Variants in GALNT14 observed in about 807,000 individuals in gnomAD.
GALNT14 encodes the protein UDP-GalNAc:polypeptide N-acetylgalactosaminyltransferase 14.
A neutral mutation model predicts 77.5 loss-of-function variants in GALNT14; 60 were observed. The ratio of observed to expected loss-of-function variants is 0.77; its 90% CI spans 0.63 to 0.96. The LOEUF is 0.96. GALNT14 is among the 40% of genes least tolerant of loss of function. GALNT14 has a pLI of 0.00. For synonymous variants in GALNT14, 280 were observed against 281.7 expected, an observed-to-expected ratio of 0.99 and a Z score of 0.06; for missense variants, 710 against 731.0, an observed-to-expected ratio of 0.97 and a Z score of 0.33.
the GALNT14 span, among the ~76,000 whole-genome samples, chr2:30,890,893 G>T: frequency 2.5e-3 from 388 of 152,328 alleles, 2 homozygotes; most frequent in African/African-American, 9.0e-3. Flanking sequence ...TGGGGGAATG[G>T]TGGGTGAGGG....
At chr2:31,076,504 C>A (rs1675796699) in intron 1 of GALNT14, among the ~76,000 whole-genome samples, 1 of 152,004 alleles carries the variant, frequency 6.6e-6, no homozygotes, top group Non-Finnish European at 1.5e-5. Flanking sequence ...AGGAACAGGT[C>A]CTACAGAAAT....
chr2:31,126,246 G>A (rs1678693638), intron 1 of GALNT14, among the ~76,000 whole-genome samples: 1 of 152,158 alleles, frequency 6.6e-6, no homozygotes, highest in Non-Finnish European at 1.5e-5. Context: ...GTGAACCCAG[G>A]TTCTAAAGGC....
At chr2:30,945,286 G>A (rs1038477965) in intron 7 of GALNT14, among the ~76,000 whole-genome samples, 6 of 152,234 alleles carry the variant, frequency 3.9e-5, no homozygotes, top group African/African-American at 7.2e-5. Flanking sequence ...TCAGGAAGGT[G>A]TGAGCAGGAG....
chr2:31,054,849 ACAAAAGCATCATAACAT>A (rs1199607637), intron 1 of GALNT14, among the ~76,000 whole-genome samples: 2 of 152,322 alleles, frequency 1.3e-5, no homozygotes, highest in Non-Finnish European at 2.9e-5. Flanking sequence ...AAGTGGAAAA[ACAAAAGCATCATAACAT>A]CAGAGCCATT....
rs186871483 is a variant in GALNT14, at chr2:31,048,432, T to C, written c.130-55425A>G. 3.9e-3 allele frequency among the ~76,000 whole-genome samples: 591 copies of C among 152,304 alleles called. 8 individuals carry two copies. The highest frequency in any genetic ancestry group is 0.014 in the African/African-American group (571 of 41,556). On this transcript the variant is annotated intron_variant, in intron 1 of 14. Coordinates refer to ENST00000349752, the MANE Select transcript of GALNT14 (RefSeq NM_024572.4). ...GGAAGACAGGGCTCTACTTCTTTAT[T>C]AGCAGACAGTCCTAATGGTGGTGGG...
intron 6 of GALNT14, among the ~76,000 whole-genome samples, chr2:30,947,964 A>G (rs924132726): frequency 5.3e-5 from 8 of 152,224 alleles, no homozygotes; most frequent in Non-Finnish European, 1.0e-4. Flanking sequence ...CATAGTCAGC[A>G]CTGCACCTGC....
intron 1 of GALNT14, among the ~76,000 whole-genome samples, chr2:31,013,428 C>G (rs1671158527): frequency 6.6e-6 from 1 of 152,176 alleles, no homozygotes; most frequent in African/African-American, 2.4e-5. Context: ...AGCACCCAGG[C>G]AGAACCAACA....
At chr2:30,890,684 C>T in the GALNT14 span, among the ~76,000 whole-genome samples, 3 of 152,192 alleles carry the variant, frequency 2.0e-5, no homozygotes, top group Non-Finnish European at 2.9e-5. Flanking sequence ...TATTTCAGTG[C>T]GAAACCTCCC....
At chr2:31,067,213 TTCCCATAGTCAG>T in intron 1 of GALNT14, among the ~76,000 whole-genome samples, 1 of 152,158 alleles carries the variant, frequency 6.6e-6, no homozygotes, top group South Asian at 2.1e-4. Context: ...AAACAGGAGA[TTCCCATAGTCAG>T]TCTCAGTGCT....
At chr2:31,010,109 C>T (rs1670924966) in intron 1 of GALNT14, among the ~76,000 whole-genome samples, 1 of 152,232 alleles carries the variant, frequency 6.6e-6, no homozygotes, top group African/African-American at 2.4e-5. Flanking sequence ...CCTCAGTCTC[C>T]TGAGTAGTTG....
At chr2:31,134,679 C>T (rs1354824332) in intron 1 of GALNT14, among the ~76,000 whole-genome samples, 2 of 152,162 alleles carry the variant, frequency 1.3e-5, no homozygotes, top group Admixed American at 1.3e-4. Flanking sequence ...TGCCTTAGCA[C>T]CTCCCTTACA....
At chr2:30,959,372 T>C (rs1433453489) in intron 3 of GALNT14, among the ~76,000 whole-genome samples, 2 of 152,116 alleles carry the variant, frequency 1.3e-5, no homozygotes, top group Non-Finnish European at 2.9e-5. Context: ...ATTGCCAGAG[T>C]CTAGCACAGA....
At chr2:30,965,200 T>A (rs1355691752) in intron 3 of GALNT14, among the ~76,000 whole-genome samples, 2 of 148,768 alleles carry the variant, frequency 1.3e-5, no homozygotes, top group Non-Finnish European at 3.0e-5. Context: ...GAGATCAGAG[T>A]GCAAGGCCTG....
chr2:31,078,561 G>T (rs1232361701), intron 1 of GALNT14, among the ~76,000 whole-genome samples: 2 of 152,156 alleles, frequency 1.3e-5, no homozygotes, highest in African/African-American at 4.8e-5. Flanking sequence ...GCCTTCTAAA[G>T]GTTTCTCTTC....
chr2:30,962,400 T>C (rs1029194091), intron 3 of GALNT14, among the ~76,000 whole-genome samples: 7 of 152,100 alleles, frequency 4.6e-5, no homozygotes, highest in African/African-American at 1.7e-4. Flanking sequence ...TGGGATATTA[T>C]AAAAAAGCAA....
intron 4 of GALNT14, among the ~76,000 whole-genome samples, chr2:30,957,666 T>C (rs368773195): frequency 2.0e-4 from 31 of 152,162 alleles, no homozygotes; most frequent in African/African-American, 7.2e-4. Context: ...AGTGTGGGGG[T>C]GGCTCCCAAT....
chr2:30,951,380 C>A (rs1667019412), intron 6 of GALNT14, among the ~76,000 whole-genome samples: 1 of 152,152 alleles, frequency 6.6e-6, no homozygotes, highest in Non-Finnish European at 1.5e-5. Flanking sequence ...ATGTCCACAA[C>A]TGGCAAATCC....
intron 1 of GALNT14, among the ~76,000 whole-genome samples, chr2:31,065,969 G>C (rs1255798033): frequency 6.6e-6 from 1 of 152,164 alleles, no homozygotes; most frequent in Non-Finnish European, 1.5e-5. Context: ...CTTCGAGTCA[G>C]GATTCCAATC....
At chr2:30,946,618 C>T (rs566797839) in intron 6 of GALNT14, among the ~76,000 whole-genome samples, 5 of 152,236 alleles carry the variant, frequency 3.3e-5, no homozygotes, top group Admixed American at 3.3e-4. Flanking sequence ...GCCAATGAAA[C>T]CTCATTTCTT....
Sources: allele counts gnomAD v4.1 joint callset (sites outside exome capture counted in the v4.1 genomes callset), GRCh38; gene constraint gnomAD v4.1.1; transcripts MANE v1.5; gene names NCBI Gene and HGNC (gene_info 2026-07-23, HGNC 2026-07-21).